The following SYNE2 variants were observed in gnomAD, a reference collection of about 807,000 sequenced individuals.
The protein encoded by SYNE2 is spectrin repeat containing nuclear envelope protein 2.
In SYNE2, 431 loss-of-function variants were observed where a neutral mutation model predicts 856.3. That is an observed-to-expected ratio of 0.50 (90% CI 0.47 to 0.55). The LOEUF (loss-of-function observed/expected upper bound fraction) is 0.55, where lower values mean the gene tolerates loss of function less well. SYNE2 is among the 20% of genes least tolerant of loss of function. SYNE2 has a pLI of 0.00. For synonymous variants in SYNE2, 2,923 were observed against 2,872.3 expected, an observed-to-expected ratio of 1.02 and a Z score of -0.56; for missense variants, 8,129 against 8,023.2, an observed-to-expected ratio of 1.01 and a Z score of -0.50.
In SYNE2 at chr14:64,212,031, A is replaced by T; in HGVS notation, c.18794A>T (p.Asp6265Val). 2 of 1,614,158 alleles carry T rather than the reference A, an allele frequency of 1.2e-6. No individual in the cohort carries two copies. The highest frequency in any genetic ancestry group is 1.7e-6 in the Non-Finnish European group (2 of 1,180,026). ...ATTCTGGTGTGGCTCACAGAGATGG[A>T]CCTGCAGCTGACCAACGTGGAGCAC... Reference protein sequence around the residue: ...ESILVWLTEMDLQLTNVEHFS... With the variant: ...ESILVWLTEMVLQLTNVEHFS... Residue 6265 changes from aspartate (D) to valine (V), a missense_variant, in exon 104 of 116, where the codon GAC (aspartate) becomes GTC (valine). Around this residue, in one of 3 missense-constraint regions of SYNE2, gnomAD observed 5,410 missense variants for 5,284.8 expected, o/e 1.02. Transcript: ENST00000555002.
At position 64,119,433 on chromosome 14, in the gene SYNE2, C is replaced by T. The variant is rs1260447911; in HGVS notation, c.12847C>T (p.Leu4283=). The T allele has an allele frequency of 1.9e-6, 3 of 1,614,068 alleles. No individual in the cohort carries two copies. Among genetic ancestry groups the T allele is most frequent in the Non-Finnish European group, 2.5e-6 (3 of 1,180,028 alleles). ...AAATGCTTTTATTTCCTAGGCTATG[C>T]TAACAGAGATTGAGCACAAGGTTGC... ...EQQLVGCQAM[L]TEIEHKVAFL... Residue 4283 remains leucine (L), a synonymous_variant, in exon 67 of 116, where the codon CTA becomes TTA. Coordinates refer to ENST00000555002, the MANE Select transcript of SYNE2 (RefSeq NM_182914.3).
chr14:63,835,983 C>CAAA (rs369182135), intron 1 of SYNE2, among the ~76,000 whole-genome samples: 6,086 of 127,878 alleles, frequency 0.048, 260 homozygotes, highest in African/African-American at 0.12. Context: ...AACTCTGTCT[C>CAAA]AAAAAAAAAA....
chr14:63,834,577 C>T (rs541283230), intron 1 of SYNE2, among the ~76,000 whole-genome samples: 3 of 152,040 alleles, frequency 2.0e-5, no homozygotes, highest in Admixed American at 1.3e-4. Context: ...ATCCTCCTGC[C>T]TTGGCCTCCC....
intron 14 of SYNE2, among the ~76,000 whole-genome samples, chr14:63,979,870 C>G (rs1398480972): frequency 6.6e-6 from 1 of 152,004 alleles, no homozygotes; most frequent in Non-Finnish European, 1.5e-5. Context: ...CACTGCACTG[C>G]ACTCCAGCCT....
At chr14:63,804,432 C>T (rs938546702) in intron 1 of SYNE2, among the ~76,000 whole-genome samples, 4 of 152,072 alleles carry the variant, frequency 2.6e-5, no homozygotes, top group African/African-American at 4.8e-5. Context: ...GTCTTGAAAT[C>T]GACGATGACC....
At chr14:64,021,833 G>A in intron 36 of SYNE2, 24 bp from the exon 37 acceptor site, 2 of 1,612,480 alleles carry the variant, frequency 1.2e-6, no homozygotes, top group Non-Finnish European at 1.7e-6. Flanking sequence ...AGATTTAATG[G>A]TTGTTGTTTG....
At chr14:64,165,119 T>C (rs966110433) in intron 89 of SYNE2, among the ~76,000 whole-genome samples, 166 bp from the exon 90 acceptor site, 3 of 152,078 alleles carry the variant, frequency 2.0e-5, no homozygotes, top group African/African-American at 7.2e-5. Flanking sequence ...ACTCCTGGGC[T>C]CAAGCAATCT....
chr14:63,814,898 A>C (rs111217102), intron 1 of SYNE2, among the ~76,000 whole-genome samples: 4 of 125,512 alleles, frequency 3.2e-5, no homozygotes, highest in South Asian at 2.6e-4. Flanking sequence ...ATCCATATAT[A>C]TATCCATATA....
chr14:64,102,363 T>C (rs924125773), intron 64 of SYNE2, among the ~76,000 whole-genome samples: 2 of 152,160 alleles, frequency 1.3e-5, no homozygotes, highest in African/African-American at 4.8e-5. Context: ...TCTTCCCTCT[T>C]TCCTTTGTTT....
In SYNE2 at chr14:64,112,699, G is replaced by A. The variant is rs375679431; in HGVS notation, c.12610-642G>A. 1.1e-4 allele frequency among the ~76,000 whole-genome samples: 16 copies of A among 152,272 alleles called. No homozygotes were observed. The South Asian group carries it at 2.9e-3, about 28-fold the overall frequency. Reference sequence around the variant, plus strand: ...GCAGAAGGGGAAGGAAGGTATTTTAGGGATTCCTTCTGAGGAATAGGAAAA... The same window carrying A: ...GCAGAAGGGGAAGGAAGGTATTTTAAGGATTCCTTCTGAGGAATAGGAAAA... On this transcript the variant is annotated intron_variant, in intron 65 of 115. Transcript: ENST00000555002.
At chr14:64,103,784 G>A (rs866949532) in intron 64 of SYNE2, among the ~76,000 whole-genome samples, 1 of 152,094 alleles carries the variant, frequency 6.6e-6, no homozygotes, top group African/African-American at 2.4e-5. Context: ...TGCATCTTCA[G>A]TAGCTCCACA....
chr14:64,174,276 T>G (rs1011794305), intron 94 of SYNE2, among the ~76,000 whole-genome samples: 1 of 152,178 alleles, frequency 6.6e-6, no homozygotes, highest in African/African-American at 2.4e-5. Flanking sequence ...TTCTCCATGT[T>G]GGCCAGGCTG....
chr14:64,000,523 C>T lies in SYNE2; in HGVS notation c.3481-39C>T, dbSNP rs771139933. ...AGAACAGAATAATTGTGTCTATTAA[C>T]CCCATTAGTTGATAAATTAATTTAT... On this transcript the variant is annotated intron_variant, in intron 27 of 115. Coordinates refer to ENST00000555002, the MANE Select transcript of SYNE2 (RefSeq NM_182914.3). The T allele has an allele frequency of 7.0e-5, 109 of 1,568,180 alleles. No individual in the cohort carries two copies. In the South Asian group the frequency reaches 1.1e-3, roughly 15 times the overall value.
At chr14:64,113,602 G>C in intron 66 of SYNE2, 31 bp downstream of exon 66, 1 of 1,570,538 alleles carries the variant, frequency 6.4e-7, no homozygotes, top group Non-Finnish European at 8.6e-7. Flanking sequence ...TTCATGGTTT[G>C]CCTCTCCACC....
At chr14:63,938,997 T>C (rs954088261) in intron 2 of SYNE2, among the ~76,000 whole-genome samples, 2 of 152,166 alleles carry the variant, frequency 1.3e-5, no homozygotes, top group African/African-American at 4.8e-5. Context: ...CATGTGTGCA[T>C]GCACTGGCTG....
At position 64,031,281 on chromosome 14, in the gene SYNE2, C is replaced by G. The variant is rs1426645933; in HGVS notation, c.7145C>G (p.Ala2382Gly). ...KFTLPGREKQ[A>G]TSDVQESTQE... ...ACTCTGCCAGGCAGAGAGAAGCAGG[C>G]CACTTCTGATGTGCAGGAGTCTACT... is the stretch of plus-strand genomic sequence containing the variant. Residue 2382 changes from alanine (A) to glycine (G), a missense_variant, in exon 45 of 116, where the codon GCC (alanine) becomes GGC (glycine). By Grantham distance (60) the Ala-to-Gly change is moderately conservative. Coordinates refer to ENST00000555002, the MANE Select transcript of SYNE2 (RefSeq NM_182914.3). 1.2e-6 allele frequency: 2 copies of G among 1,614,006 alleles called. No homozygotes were observed. Among genetic ancestry groups the G allele is most frequent in the Non-Finnish European group, 1.7e-6 (2 of 1,180,038 alleles).
At chr14:64,102,145 C>T in intron 64 of SYNE2, 103 bp downstream of exon 64, 2 of 811,610 alleles carry the variant, frequency 2.5e-6, no homozygotes, top group Non-Finnish European at 4.1e-6. Context: ...CTGAGACGGA[C>T]TCGCTCTGTC....
intron 6 of SYNE2, among the ~76,000 whole-genome samples, chr14:63,944,278 T>TTATATATATATATATATATA (rs71123818): frequency 4.9e-4 from 71 of 144,016 alleles, no homozygotes; most frequent in African/African-American, 1.8e-3. Flanking sequence ...TTCTGAATTT[T>TTATATATATATATATATATA]TATATATATA....
chr14:64,142,198 A>G, intron 82 of SYNE2, 110 bp downstream of exon 82: 4 of 1,301,276 alleles, frequency 3.1e-6, no homozygotes, highest in Non-Finnish European at 4.3e-6. Flanking sequence ...AACTAATTCT[A>G]GGGGTAGGAA....
Sources: allele counts gnomAD v4.1 joint callset (sites outside exome capture counted in the v4.1 genomes callset), GRCh38; gene constraint gnomAD v4.1.1; regional missense constraint gnomAD v4.1.1; transcripts MANE v1.5; gene names NCBI Gene and HGNC (gene_info 2026-07-23, HGNC 2026-07-21).